The following CNBP variants were observed in gnomAD, a reference collection of about 807,000 sequenced individuals.
CNBP encodes the protein cellular nucleic acid-binding protein.
CNBP carries 6 observed loss-of-function variants against 21.2 expected under a neutral mutation model. The ratio of observed to expected loss-of-function variants is 0.28; its 90% CI spans 0.16 to 0.56. The LOEUF is 0.56. Among genes scored for constraint, CNBP ranks in the 20% least tolerant of loss-of-function variants. The pLI, the probability that CNBP is intolerant of heterozygous loss-of-function variation, is 0.93. For synonymous variants in CNBP, 61 were observed against 74.9 expected (o/e 0.81, Z 0.96); for missense variants, 112 against 233.1 (o/e 0.48, Z 3.38).
chr3:129,171,861 G>C (rs1301588105), intron 1 of CNBP, 90 bp from the exon 2 acceptor site: 3 of 1,357,476 alleles, frequency 2.2e-6, no homozygotes, highest in Non-Finnish European at 3.0e-6. Context: ...AAATTATTCT[G>C]GGGAAAAAAG....
chr3:129,181,116 T>C (rs1938256924), intron 1 of CNBP, among the ~76,000 whole-genome samples: 1 of 150,914 alleles, frequency 6.6e-6, no homozygotes, highest in Non-Finnish European at 1.5e-5. Context: ...GGCACACGCC[T>C]GTAATCCCAG....
At chr3:129,172,635 GGC>G (rs1937613901) in intron 1 of CNBP, among the ~76,000 whole-genome samples, 4 of 44,960 alleles carry the variant, frequency 8.9e-5, no homozygotes, top group Admixed American at 2.0e-4. Flanking sequence ...CAGGCAGGCA[GGC>G]AGGCAGGCAG....
At chr3:129,174,000 T>C (rs1937713691) in intron 1 of CNBP, among the ~76,000 whole-genome samples, 1 of 152,162 alleles carries the variant, frequency 6.6e-6, no homozygotes, top group Admixed American at 6.6e-5. Flanking sequence ...AAGTTGAGTT[T>C]CAAAAAGTTC....
chr3:129,175,324 C>CAAAG (rs957183811), intron 1 of CNBP, among the ~76,000 whole-genome samples: 5 of 149,414 alleles, frequency 3.3e-5, no homozygotes, highest in East Asian at 2.0e-4. Context: ...ACTCCGTCTT[C>CAAAG]AAAGAAAGAA....
chr3:129,167,870 A>G lies in CNBP; in HGVS notation c.*2583T>C, dbSNP rs1182706599. Among the ~76,000 whole-genome samples, 1 of 152,234 alleles carries G rather than the reference A, an allele frequency of 6.6e-6. No homozygotes were observed. The highest frequency in any genetic ancestry group is 1.5e-5 in the Non-Finnish European group (1 of 68,050). ...TATTGTGTTAACATGTGAGACATAC[A>G]ATTTGCTCAGTAAAAATAGCACATG... On this transcript the variant is annotated 3_prime_UTR_variant, in exon 5 of 5. Coordinates refer to ENST00000422453, the MANE Select transcript of CNBP (RefSeq NM_003418.5).
At chr3:129,179,382 G>A (rs1938138649) in intron 1 of CNBP, among the ~76,000 whole-genome samples, 1 of 152,176 alleles carries the variant, frequency 6.6e-6, no homozygotes, top group Non-Finnish European at 1.5e-5. Context: ...TTACTCGGGA[G>A]CAATTCTGTA....
At chr3:129,173,029 A>C (rs1937651511) in intron 1 of CNBP, among the ~76,000 whole-genome samples, 1 of 152,294 alleles carries the variant, frequency 6.6e-6, no homozygotes, top group Admixed American at 6.5e-5. Flanking sequence ...TGCAAGATAC[A>C]AATCTTATCT....
chr3:129,176,769 G>C (rs1303109861), intron 1 of CNBP, among the ~76,000 whole-genome samples: 2 of 152,138 alleles, frequency 1.3e-5, no homozygotes, highest in African/African-American at 2.4e-5. Flanking sequence ...ACAACTTTCA[G>C]CTTCTGACAG....
At position 129,171,789 on chromosome 3, in the gene CNBP, T is replaced by C; in HGVS notation, c.-14-18A>G. 6.2e-7 allele frequency: 1 copy of C among 1,605,160 alleles called. No homozygotes were observed. The highest frequency in any genetic ancestry group is 8.5e-7 in the Non-Finnish European group (1 of 1,175,628). On this transcript the variant is annotated intron_variant, in intron 1 of 4. Coordinates refer to ENST00000422453, the MANE Select transcript of CNBP (RefSeq NM_003418.5). ...AGTCAGATCTTTGAAATATTAAAAG[T>C]AACAGCATTAAACCACTGAAAGTTC...
Position 129,170,473 on chromosome 3 carries a change from T to A in CNBP, c.514A>T (p.Thr172Ser). Reference protein sequence around the residue: ...GESGHLARECTIEATA With the variant: ...GESGHLARECSIEATA ...AATAATTAGGCTGTAGCCTCAATTG[T>A]GCATTCCCGTGCAAGGTGCCCTGAC... The change falls in exon 5 of 5, where the codon ACA (threonine) becomes TCA (serine). Residue 172 changes from threonine (T) to serine (S), a missense_variant. Physicochemically the swap from Thr to Ser is moderately conservative, Grantham distance 58 (BLOSUM62 1). Transcript: ENST00000422453. 1 of 1,614,094 alleles carries A rather than the reference T, an allele frequency of 6.2e-7. No individual in the cohort carries two copies.
At chr3:129,172,888 T>C (rs1212651207) in intron 1 of CNBP, among the ~76,000 whole-genome samples, 2 of 152,178 alleles carry the variant, frequency 1.3e-5, no homozygotes, top group Admixed American at 6.5e-5. Flanking sequence ...AGCTGTAAAA[T>C]GGATTCTCGG....
At chr3:129,172,439 G>A (rs183308824) in intron 1 of CNBP, among the ~76,000 whole-genome samples, 44 of 151,228 alleles carry the variant, frequency 2.9e-4, no homozygotes, top group African/African-American at 5.6e-4. Flanking sequence ...AAAAACAGCC[G>A]GGCATGGCGG....
intron 1 of CNBP, among the ~76,000 whole-genome samples, chr3:129,177,292 T>G (rs1937972055): frequency 6.6e-6 from 1 of 152,236 alleles, no homozygotes; most frequent in Non-Finnish European, 1.5e-5. Flanking sequence ...AAACCTGATG[T>G]ACGTATACTG....
rs959549463 is a variant in CNBP, at chr3:129,169,088, C to T, written c.*1365G>A. Among the ~76,000 whole-genome samples the T allele has an allele frequency of 6.0e-5, 9 of 150,448 alleles. No individual in the cohort carries two copies. The highest frequency in any genetic ancestry group is 2.2e-4 in the African/African-American group (9 of 40,792). ...CTACACTCCAGCCTGGGCAACAGAG[C>T]GACACTCTGTCTCAAAAAAAAATAA... On this transcript the variant is annotated 3_prime_UTR_variant, in exon 5 of 5. Transcript: ENST00000422453.
chr3:129,180,023 G>GA (rs1009727320), intron 1 of CNBP, among the ~76,000 whole-genome samples: 4 of 150,404 alleles, frequency 2.7e-5, no homozygotes, highest in African/African-American at 9.7e-5. Context: ...AAAAGAAAAG[G>GA]AAAAAAAAAG....
In CNBP at chr3:129,174,584, G is replaced by A. The variant is rs150804564; in HGVS notation, c.-14-2813C>T. ...GGAGGCGGAGGCAGGATAATCTCTT[G>A]AACCCGGGAGGTGGAGGTTGTTGCA... On this transcript the variant is annotated intron_variant, in intron 1 of 4. Transcript: ENST00000422453. 7.1e-4 allele frequency among the ~76,000 whole-genome samples: 106 copies of A among 148,798 alleles called. 2 individuals are homozygous for A. The East Asian group carries it at 0.015, about 21-fold the overall frequency.
At chr3:129,174,373 A>C (rs965883943) in intron 1 of CNBP, among the ~76,000 whole-genome samples, 2 of 150,260 alleles carry the variant, frequency 1.3e-5, no homozygotes, top group African/African-American at 4.9e-5. Context: ...AAAAAAAAAA[A>C]ACGAATGGCG....
Position 129,171,398 on chromosome 3 carries a change from C to T in CNBP, c.217+48G>A, listed in dbSNP as rs182488084. ...TGCTATACACAGTTGCATGTGCTCACCTCTCCAAGCTCTAGAGGGGTATGA... is the reference window on the plus strand; with the variant it reads ...TGCTATACACAGTTGCATGTGCTCATCTCTCCAAGCTCTAGAGGGGTATGA... On this transcript the variant is annotated intron_variant, in intron 3 of 4. Transcript: ENST00000422453. The T allele has an allele frequency of 1.1e-4, 170 of 1,596,040 alleles. No individual in the cohort carries two copies. In the East Asian group the frequency reaches 2.5e-3, roughly 23 times the overall value.
chr3:129,169,199 CAGG>C lies in CNBP; in HGVS notation c.*1251_*1253del, dbSNP rs1365432707. Among the ~76,000 whole-genome samples, 1 of 152,090 alleles carries C rather than the reference CAGG, an allele frequency of 6.6e-6. No homozygotes were observed. Among genetic ancestry groups the C allele is most frequent in the Non-Finnish European group, 1.5e-5 (1 of 68,008 alleles). On this transcript the variant is annotated 3_prime_UTR_variant, in exon 5 of 5. Coordinates refer to ENST00000422453, the MANE Select transcript of CNBP (RefSeq NM_003418.5). ...ATCCCAGCTACTCAGGAGGCTGAGG[CAGG>C]AGAATTGCTTGAACCCGGGAGGTGG...
Sources: gnomAD v4.1 joint callset for allele counts (sites outside exome capture counted in the v4.1 genomes callset) on GRCh38, gnomAD v4.1.1 for gene constraint, MANE v1.5 for transcripts, NCBI Gene and HGNC (gene_info 2026-07-23, HGNC 2026-07-21) for gene names.